Variants in BRWD1 observed in about 807,000 individuals in gnomAD.
BRWD1 encodes bromodomain and WD repeat domain containing 1, also known as bromodomain and WD repeat-containing protein 1.
A neutral mutation model predicts 251.2 loss-of-function variants in BRWD1; 82 were observed. The ratio of observed to expected loss-of-function variants is 0.33; its 90% CI spans 0.27 to 0.39. BRWD1 has a LOEUF of 0.39. BRWD1 is among the 10% of genes least tolerant of loss of function. BRWD1 has a pLI of 1.00. For synonymous variants in BRWD1, 918 were observed against 902.8 expected (o/e 1.02, Z -0.30); for missense variants, 2,233 against 2,711.6 (o/e 0.82, Z 3.92).
rs913011654 is a variant in BRWD1 at position 39,188,534 on chromosome 21, T to C, written c.*7725A>G. The C allele has an allele frequency of 5.1e-6, 5 of 985,320 alleles. No homozygotes were observed. In the African/African-American group the frequency reaches 5.2e-5, roughly 10 times the overall value. The allele number at this position is 985,320 out of a possible 1,614,324, so 61.0% of individuals were successfully genotyped here. A position where few individuals can be genotyped will look rare whatever the true frequency, so the allele number is the denominator to read the frequency against. On this transcript the variant is annotated 3_prime_UTR_variant, in exon 41 of 41. Transcript: ENST00000342449. ...CCACCAATGCCAACCTTCTGAACTT[T>C]TTCTTCTGTGAAGATGTTTGCCCTT...
intron 8 of BRWD1, among the ~76,000 whole-genome samples, chr21:39,281,520 C>T (rs1332342780): frequency 6.6e-6 from 1 of 152,076 alleles, no homozygotes; most frequent in Admixed American, 6.5e-5. Context: ...CATGGCGAAA[C>T]CCTGTCTCTA....
In BRWD1 at chr21:39,229,341, T is replaced by G. The variant is rs73906154; in HGVS notation, c.3096A>C (p.Gly1032=). The change falls in exon 26 of 41, where the codon GGA becomes GGC. Residue 1032 remains glycine (G), a synonymous_variant. Coordinates refer to ENST00000342449, the MANE Select transcript of BRWD1 (RefSeq NM_033656.4). The part of the protein sequence containing the change: ...LKLAFIDPAT[G]KLMDKSFSIR... ...TAGAGAAAGATTTGTCCATAAGTTTTCCAGTTGCTGGATCTATAAATGCTA... is the reference window on the plus strand; with the variant it reads ...TAGAGAAAGATTTGTCCATAAGTTTGCCAGTTGCTGGATCTATAAATGCTA... 1.2e-4 allele frequency: 194 copies of G among 1,603,742 alleles called. No homozygotes were observed. In the African/African-American group the frequency reaches 2.1e-3, roughly 17 times the overall value.
chr21:39,313,202 G>A (rs1200558408), intron 2 of BRWD1, 39 bp downstream of exon 2: 1 of 1,522,226 alleles, frequency 6.6e-7, no homozygotes, highest in Non-Finnish European at 8.8e-7. Flanking sequence ...GGGACACTGG[G>A]GACGCCAAGT....
intron 13 of BRWD1, among the ~76,000 whole-genome samples, chr21:39,273,447 T>C (rs1343607839): frequency 1.3e-5 from 2 of 152,218 alleles, no homozygotes; most frequent in Non-Finnish European, 2.9e-5. Context: ...ATACAATTCT[T>C]TGAGCTACAG....
At chr21:39,285,178 A>G (rs1048143175) in intron 8 of BRWD1, among the ~76,000 whole-genome samples, 4 of 152,218 alleles carry the variant, frequency 2.6e-5, no homozygotes, top group Admixed American at 2.0e-4. Context: ...CGTTTGTGGT[A>G]ATATGGATGA....
intron 15 of BRWD1, among the ~76,000 whole-genome samples, chr21:39,265,550 A>G (rs1200742224): frequency 1.3e-5 from 2 of 152,266 alleles, no homozygotes; most frequent in Non-Finnish European, 2.9e-5. Flanking sequence ...TCTTCTAAGC[A>G]TTAGTTCTCC....
chr21:39,303,636 C>T (rs1202068157), intron 4 of BRWD1, among the ~76,000 whole-genome samples: 1 of 151,868 alleles, frequency 6.6e-6, no homozygotes, highest in Non-Finnish European at 1.5e-5. Context: ...TCCAGACCAG[C>T]CTGGGCAACA....
At chr21:39,261,100 C>T (rs540094957) in intron 17 of BRWD1, among the ~76,000 whole-genome samples, 1 of 152,190 alleles carries the variant, frequency 6.6e-6, no homozygotes, top group African/African-American at 2.4e-5. Flanking sequence ...TGGTGCACAC[C>T]TGTACTCCCA....
chr21:39,213,948 GGAATT>G (rs1404150409), intron 32 of BRWD1, among the ~76,000 whole-genome samples: 2 of 150,556 alleles, frequency 1.3e-5, no homozygotes, highest in Non-Finnish European at 3.0e-5. Flanking sequence ...AAGGGAAAAA[GGAATT>G]GAAATTAAAG....
upstream of BRWD1, chr21:39,314,018 G>A (rs1404495449): frequency 4.4e-6 from 2 of 454,882 alleles, no homozygotes; most frequent in Non-Finnish European, 4.4e-6. Flanking sequence ...CCTCTACGCG[G>A]GACCGCAGGG....
chr21:39,198,942 G>C lies in BRWD1; in HGVS notation c.5474C>G (p.Ser1825Cys), dbSNP rs2031963947. 3.7e-6 allele frequency: 6 copies of C among 1,613,942 alleles called. No individual in the cohort carries two copies. The highest frequency in any genetic ancestry group is 2.2e-5 in the East Asian group (1 of 44,876). The change falls in exon 40 of 41, where the codon TCT becomes TGT. Residue 1825 changes from serine to cysteine, a missense_variant. Ser to Cys is a moderately radical substitution (Grantham distance 112). Transcript: ENST00000342449. ...TTCTCTATCTTGCTCTTCAGATTCAGAGTCTTCTGAGTCACTCAGAATCTT... is the reference window on the plus strand; with the variant it reads ...TTCTCTATCTTGCTCTTCAGATTCACAGTCTTCTGAGTCACTCAGAATCTT... Reference protein sequence around the residue: ...KTKILSDSEDSESEEQDREDG... With the variant: ...KTKILSDSEDCESEEQDREDG...
chr21:39,279,779 T>C (rs1457614569), intron 9 of BRWD1, among the ~76,000 whole-genome samples: 1 of 152,158 alleles, frequency 6.6e-6, no homozygotes, highest in African/African-American at 2.4e-5. Flanking sequence ...TTTAAAGTGC[T>C]CAACGATCAT....
At chr21:39,305,016 G>A (rs1237545210) in intron 4 of BRWD1, among the ~76,000 whole-genome samples, 1 of 142,192 alleles carries the variant, frequency 7.0e-6, no homozygotes, top group Non-Finnish European at 1.5e-5. Context: ...CTGGAGTGCA[G>A]TGGCACAATC....
intron 40 of BRWD1, among the ~76,000 whole-genome samples, chr21:39,198,087 C>T (rs1186077556): frequency 2.6e-5 from 4 of 152,072 alleles, no homozygotes; most frequent in Non-Finnish European, 4.4e-5. Context: ...TGAAACTCCC[C>T]GTAACTCCCC....
At chr21:39,200,187 A>G in intron 39 of BRWD1, 32 bp downstream of exon 39, 1 of 1,566,174 alleles carries the variant, frequency 6.4e-7, no homozygotes. Context: ...CTTTTGATAT[A>G]CATTCCATAA....
chr21:39,207,656 A>G (rs2032470308), intron 36 of BRWD1, among the ~76,000 whole-genome samples: 1 of 152,190 alleles, frequency 6.6e-6, no homozygotes, highest in Non-Finnish European at 1.5e-5. Flanking sequence ...TCTTAGGTCT[A>G]TACCCAAGGG....
chr21:39,250,619 T>C (rs1294203512), intron 20 of BRWD1, among the ~76,000 whole-genome samples, 177 bp downstream of exon 20: 1 of 152,162 alleles, frequency 6.6e-6, no homozygotes, highest in Non-Finnish European at 1.5e-5. Flanking sequence ...GTTTTCAAAC[T>C]ACTCCTTTCT....
At chr21:39,255,591 T>C in intron 19 of BRWD1, 54 bp downstream of exon 19, 2 of 1,441,510 alleles carry the variant, frequency 1.4e-6, no homozygotes, top group Non-Finnish European at 1.9e-6. Context: ...TAAATAACCA[T>C]ATAAATATAT....
In BRWD1 at chr21:39,232,220, T is replaced by C. The variant is rs760876082; in HGVS notation, c.2957A>G (p.Glu986Gly). 9 of 1,613,444 alleles carry C rather than the reference T, an allele frequency of 5.6e-6. No homozygotes were observed. The highest frequency in any genetic ancestry group is 7.6e-6 in the Non-Finnish European group (9 of 1,179,722). The change falls in exon 25 of 41, where the codon GAA becomes GGA. Residue 986 changes from glutamate (E) to glycine (G), a missense_variant. Coordinates refer to ENST00000342449, the MANE Select transcript of BRWD1 (RefSeq NM_033656.4). ...CCATGGCTCCTTATTAGGGTTCAGT[T>C]CATAAATATTATTTCTTCTTACAGC... ...IEAVRRNNIY[E>G]LNPNKEPWRK...
Sources: gnomAD v4.1 joint callset for allele counts (sites outside exome capture counted in the v4.1 genomes callset) on GRCh38, gnomAD v4.1.1 for gene constraint, MANE v1.5 for transcripts, NCBI Gene and HGNC (gene_info 2026-07-23, HGNC 2026-07-21) for gene names.